MEGF11: variants seen among roughly 807,000 people sequenced by gnomAD.
MEGF11 encodes multiple EGF like domains 11.
A neutral mutation model predicts 146.6 loss-of-function variants in MEGF11; 126 were observed. That is an observed-to-expected ratio of 0.86 (90% CI 0.74 to 1.00). The LOEUF (loss-of-function observed/expected upper bound fraction) is 1.00. MEGF11 is among the 50% of genes least tolerant of loss of function. The pLI is 0.00. For synonymous variants in MEGF11, 532 were observed against 583.4 expected (o/e 0.91, Z 1.27); for missense variants, 1,509 against 1,521.2 (o/e 0.99, Z 0.13).
chr15:66,049,467 A>T (rs1052523349), intron 5 of MEGF11, among the ~76,000 whole-genome samples: 3 of 152,104 alleles, frequency 2.0e-5, no homozygotes, highest in African/African-American at 7.2e-5. Flanking sequence ...AACTATTGAC[A>T]TTTAGAATCT....
intron 5 of MEGF11, among the ~76,000 whole-genome samples, chr15:66,015,434 C>T (rs2082854247): frequency 6.6e-6 from 1 of 152,180 alleles, no homozygotes; most frequent in African/African-American, 2.4e-5. Flanking sequence ...TTTAATCGTT[C>T]ATTCAACAGT....
intron 10 of MEGF11, among the ~76,000 whole-genome samples, chr15:65,945,662 G>C (rs918200226): frequency 6.6e-6 from 1 of 152,188 alleles, no homozygotes. Flanking sequence ...CGGATGGACA[G>C]CGTGGTGACT....
chr15:66,064,943 A>C (rs996736151), intron 5 of MEGF11, among the ~76,000 whole-genome samples: 1 of 152,102 alleles, frequency 6.6e-6, no homozygotes, highest in African/African-American at 2.4e-5. Flanking sequence ...TGGAGCTCCC[A>C]CCCCAACCTG....
chr15:66,168,098 C>T (rs1269320295), intron 1 of MEGF11, among the ~76,000 whole-genome samples: 1 of 152,086 alleles, frequency 6.6e-6, no homozygotes, highest in East Asian at 1.9e-4. Flanking sequence ...AACCAAAATG[C>T]TCACGGTGCA....
intron 9 of MEGF11, 73 bp downstream of exon 9, chr15:65,964,835 C>A: frequency 1.4e-6 from 2 of 1,399,308 alleles, no homozygotes; most frequent in Non-Finnish European, 1.9e-6. Flanking sequence ...TGGGGGGCCA[C>A]ATCCTAGCAA....
chr15:65,969,002 A>G (rs1031969598), intron 8 of MEGF11, among the ~76,000 whole-genome samples: 1 of 152,160 alleles, frequency 6.6e-6, no homozygotes, highest in Non-Finnish European at 1.5e-5. Context: ...AGAAGCCCAA[A>G]TGCTGCCTGG....
chr15:66,047,804 C>T (rs1385606728), intron 5 of MEGF11, among the ~76,000 whole-genome samples: 2 of 152,174 alleles, frequency 1.3e-5, no homozygotes, highest in Non-Finnish European at 2.9e-5. Context: ...AGGGACGTCC[C>T]CCAGGACTGG....
At chr15:66,001,217 C>A (rs1188001797) in intron 5 of MEGF11, among the ~76,000 whole-genome samples, 1 of 152,020 alleles carries the variant, frequency 6.6e-6, no homozygotes, top group African/African-American at 2.4e-5. Context: ...AGGCTGGAGT[C>A]CCCCCACACA....
intron 5 of MEGF11, among the ~76,000 whole-genome samples, chr15:66,017,041 G>T (rs2082912725): frequency 6.6e-6 from 1 of 152,178 alleles, no homozygotes; most frequent in Admixed American, 6.5e-5. Flanking sequence ...GTTATTTTTT[G>T]TTCCTGTCCT....
At position 66,134,492 on chromosome 15, in the gene MEGF11, C is replaced by T. The variant is rs116108355; in HGVS notation, c.-8-6081G>A. Among the ~76,000 whole-genome samples, 1,047 of 149,130 alleles carry T rather than the reference C, an allele frequency of 7.0e-3. 14 individuals carry two copies. Among genetic ancestry groups the T allele is most frequent in the African/African-American group, 0.024 (1,010 of 41,340 alleles). On this transcript the variant is annotated intron_variant, in intron 1 of 25. Transcript: ENST00000395614. ...CCACCCGCAATCTGCCCACTCCTGG[C>T]CTTCTCAGCCACCCTCTCCCACCTC...
chr15:66,173,939 T>C (rs953166269), intron 1 of MEGF11, among the ~76,000 whole-genome samples: 2 of 152,150 alleles, frequency 1.3e-5, no homozygotes, highest in African/African-American at 4.8e-5. Context: ...TCCAGAACAG[T>C]CCTCAGAGGG....
At chr15:66,200,974 G>A (rs2091143659) in intron 1 of MEGF11, among the ~76,000 whole-genome samples, 1 of 151,980 alleles carries the variant, frequency 6.6e-6, no homozygotes, top group African/African-American at 2.4e-5. Context: ...TCAGACACGA[G>A]CCCAAGGCCA....
intron 1 of MEGF11, among the ~76,000 whole-genome samples, chr15:66,151,047 T>C (rs28701721): frequency 0.093 from 14,171 of 152,134 alleles, 1,159 homozygotes; most frequent in African/African-American, 0.22. Context: ...AGGTCCCCTT[T>C]TTGCCTCTAA....
intron 21 of MEGF11, among the ~76,000 whole-genome samples, chr15:65,911,243 T>C (rs532817120): frequency 6.6e-6 from 1 of 152,362 alleles, no homozygotes; most frequent in Admixed American, 6.5e-5. Context: ...CATCCCTTGT[T>C]GATTCAGACT....
chr15:66,086,454 G>T (rs982458027), intron 5 of MEGF11, among the ~76,000 whole-genome samples: 1 of 152,196 alleles, frequency 6.6e-6, no homozygotes, highest in African/African-American at 2.4e-5. Flanking sequence ...CAGATTAATG[G>T]CAGATTTCTC....
At chr15:66,236,452 G>A (rs2092093752) in intron 1 of MEGF11, among the ~76,000 whole-genome samples, 1 of 152,182 alleles carries the variant, frequency 6.6e-6, no homozygotes, top group Non-Finnish European at 1.5e-5. Flanking sequence ...ACAGGCAAAA[G>A]GGAGAGAAGT....
intron 5 of MEGF11, among the ~76,000 whole-genome samples, chr15:66,035,098 A>G (rs1457668470): frequency 6.6e-6 from 1 of 152,208 alleles, no homozygotes; most frequent in Non-Finnish European, 1.5e-5. Context: ...CTGTTATAGC[A>G]ACAGAAAATG....
chr15:66,021,612 G>T (rs1288780282), intron 5 of MEGF11, among the ~76,000 whole-genome samples: 10 of 152,230 alleles, frequency 6.6e-5, no homozygotes, highest in Admixed American at 6.5e-4. Flanking sequence ...CAGGGAGACG[G>T]AAATTCAGCA....
chr15:66,124,286 G>C (rs541213493), intron 2 of MEGF11, among the ~76,000 whole-genome samples: 2 of 152,176 alleles, frequency 1.3e-5, no homozygotes, highest in African/African-American at 4.8e-5. Context: ...ATAAAGAAGC[G>C]GGGGGTAGTT....
Sources: allele counts gnomAD v4.1 joint callset (sites outside exome capture counted in the v4.1 genomes callset), GRCh38; gene constraint gnomAD v4.1.1; transcripts MANE v1.5; gene names NCBI Gene and HGNC (gene_info 2026-07-23, HGNC 2026-07-21).